EXOG: variants seen among roughly 807,000 people sequenced by gnomAD.
The protein encoded by EXOG is exo/endonuclease G, also known as nuclease EXOG, mitochondrial.
In EXOG, 27 loss-of-function variants were observed where a neutral mutation model predicts 25.8. That is an observed-to-expected ratio of 1.05 (90% CI 0.77 to 1.45). EXOG has a LOEUF of 1.45. Ranked by LOEUF, EXOG falls within the 40% of genes most tolerant of loss-of-function variation. The pLI is 0.00. For missense variants in EXOG, 458 were observed against 450.5 expected, an observed-to-expected ratio of 1.02 and a Z score of -0.15; for synonymous variants, 133 against 167.0, an observed-to-expected ratio of 0.80 and a Z score of 1.57.
chr3:38,518,241 G>A (rs2125794813), intron 5 of EXOG, among the ~76,000 whole-genome samples: 1 of 152,290 alleles, frequency 6.6e-6, no homozygotes, highest in Admixed American at 6.5e-5. Context: ...TGTAGGGAAG[G>A]AGACAAAAAT....
intron 3 of EXOG, among the ~76,000 whole-genome samples, chr3:38,503,091 T>G (rs929268018): frequency 3.9e-5 from 6 of 152,294 alleles, no homozygotes; most frequent in Admixed American, 1.3e-4. Flanking sequence ...AGAAGGTACT[T>G]GTAGCATTGG....
intron 5 of EXOG, chr3:38,523,156 C>T: frequency 7.9e-7 from 1 of 1,267,580 alleles, no homozygotes; most frequent in Non-Finnish European, 1.0e-6. Flanking sequence ...AAACTAAGGC[C>T]ATGTTTTTAT....
intron 5 of EXOG, among the ~76,000 whole-genome samples, chr3:38,522,381 C>T (rs1476910932): frequency 6.6e-6 from 1 of 152,230 alleles, no homozygotes; most frequent in African/African-American, 2.4e-5. Flanking sequence ...TGACTCTTAC[C>T]AGGGAAGGGC....
At chr3:38,511,987 AT>A (rs1158059582) in intron 5 of EXOG, among the ~76,000 whole-genome samples, 1 of 152,198 alleles carries the variant, frequency 6.6e-6, no homozygotes, top group Non-Finnish European at 1.5e-5. Flanking sequence ...TAAACCTATG[AT>A]TTCTAAGATT....
chr3:38,497,808 A>C, intron 2 of EXOG, 30 bp downstream of exon 2: 1 of 1,575,904 alleles, frequency 6.3e-7, no homozygotes, highest in Non-Finnish European at 8.6e-7. Context: ...AACTGAAGTA[A>C]CAGTATTTAT....
At chr3:38,517,030 A>AGGTT (rs2060566747) in intron 5 of EXOG, among the ~76,000 whole-genome samples, 2 of 152,166 alleles carry the variant, frequency 1.3e-5, no homozygotes, top group African/African-American at 4.8e-5. Context: ...TTTTTTCACC[A>AGGTT]TTTCCCCCTT....
chr3:38,524,496 T>A lies in EXOG; in HGVS notation c.*134T>A. On this transcript the variant is annotated 3_prime_UTR_variant, in exon 6 of 6. Coordinates refer to ENST00000287675, the MANE Select transcript of EXOG (RefSeq NM_005107.4). Reference sequence around the variant, plus strand: ...TAAGAGATGTGGTCTCGCCGTGTCATCCAGGCTGGAGTGCAGTGGTGGAAT... The same window carrying A: ...TAAGAGATGTGGTCTCGCCGTGTCAACCAGGCTGGAGTGCAGTGGTGGAAT... The A allele has an allele frequency of 7.1e-7, 1 of 1,403,326 alleles. No individual in the cohort carries two copies. Among genetic ancestry groups the A allele is most frequent in the South Asian group, 1.6e-5 (1 of 64,334 alleles). The allele number at this position is 1,403,326 out of a possible 1,614,324, so 86.9% of individuals were successfully genotyped here.
chr3:38,500,130 G>A (rs940157444), intron 2 of EXOG: 3 of 155,668 alleles, frequency 1.9e-5, no homozygotes, highest in Non-Finnish European at 4.3e-5. Context: ...ACGGAGAAAG[G>A]TCAAAAGGAA....
chr3:38,517,383 C>T (rs989810186), intron 5 of EXOG, among the ~76,000 whole-genome samples: 5 of 152,168 alleles, frequency 3.3e-5, no homozygotes, highest in African/African-American at 7.2e-5. Flanking sequence ...TTGATGCATC[C>T]TCATCATTTT....
At position 38,524,242 on chromosome 3, in the gene EXOG, G is replaced by A. The variant is rs377143401; in HGVS notation, c.987G>A (p.Met329Ile). Residue 329 changes from methionine to isoleucine, a missense_variant, in exon 6 of 6, where the codon ATG becomes ATA. Physicochemically the swap from Met to Ile is conservative, Grantham distance 10 (BLOSUM62 1). Around this residue, in one of 3 missense-constraint regions of EXOG, gnomAD observed 178 missense variants for 203.7 expected, o/e 0.87. Transcript: ENST00000287675. ...CAGTGCTCAGACTGGAAAAGATCAT[G>A]GAAAACTTGAAGAATGCAGAGATTG... ...ARSVLRLEKI[M>I]ENLKNAEIEP... is the part of the protein sequence containing the mutation. The A allele has an allele frequency of 5.0e-6, 8 of 1,614,154 alleles. No individual in the cohort carries two copies. The highest frequency in any genetic ancestry group is 3.3e-5 in the Admixed American group (2 of 60,016).
At chr3:38,518,603 CTG>C (rs1354342559) in intron 5 of EXOG, among the ~76,000 whole-genome samples, 4 of 152,194 alleles carry the variant, frequency 2.6e-5, no homozygotes, top group Non-Finnish European at 5.9e-5. Flanking sequence ...CAACTATACT[CTG>C]AACCTTATTT....
intron 4 of EXOG, among the ~76,000 whole-genome samples, chr3:38,504,659 C>G (rs990074954): frequency 1.3e-5 from 2 of 152,128 alleles, no homozygotes; most frequent in Admixed American, 6.5e-5. Flanking sequence ...TAGTCTTGAA[C>G]TCCTGACCTC....
chr3:38,508,308 T>TGA (rs1222559505), intron 5 of EXOG, among the ~76,000 whole-genome samples: 1 of 152,188 alleles, frequency 6.6e-6, no homozygotes, highest in East Asian at 1.9e-4. Context: ...ATTAGTGGTG[T>TGA]GAGAGCTTCA....
intron 5 of EXOG, among the ~76,000 whole-genome samples, chr3:38,509,010 A>G (rs1434588806): frequency 1.3e-5 from 2 of 152,222 alleles, no homozygotes; most frequent in African/African-American, 4.8e-5. Flanking sequence ...TAATTCATTT[A>G]ATATCTCTCC....
At chr3:38,510,244 A>G (rs1347961631) in intron 5 of EXOG, among the ~76,000 whole-genome samples, 1 of 152,178 alleles carries the variant, frequency 6.6e-6, no homozygotes. Context: ...AGGCTGAGAA[A>G]CTATCTGTTC....
chr3:38,520,788 A>T (rs1420758165), intron 5 of EXOG, among the ~76,000 whole-genome samples: 1 of 152,252 alleles, frequency 6.6e-6, no homozygotes, highest in South Asian at 2.1e-4. Context: ...CAAAATAGCA[A>T]TCCACCCACG....
At chr3:38,522,678 A>G (rs1056009881) in intron 5 of EXOG, among the ~76,000 whole-genome samples, 2 of 151,978 alleles carry the variant, frequency 1.3e-5, no homozygotes, top group African/African-American at 4.8e-5. Flanking sequence ...CTAATTTTGT[A>G]TTTTTAGTAG....
intron 3 of EXOG, among the ~76,000 whole-genome samples, chr3:38,502,668 T>C (rs1018983351): frequency 2.6e-5 from 4 of 152,224 alleles, no homozygotes; most frequent in African/African-American, 9.6e-5. Flanking sequence ...AGTAATATTA[T>C]CTAAAATACA....
chr3:38,503,699 A>G lies in EXOG; in HGVS notation c.530+8A>G. ...TTCTGGATATTGGAACAGGTGAGGGATGAGAGTTTTAAAAACATGATTCTA... is the reference window on the plus strand; with the variant it reads ...TTCTGGATATTGGAACAGGTGAGGGGTGAGAGTTTTAAAAACATGATTCTA... On this transcript the variant is annotated splice_region_variant and intron_variant, in intron 4 of 5. Transcript: ENST00000287675. 1 of 1,500,728 alleles carries G rather than the reference A, an allele frequency of 6.7e-7. No homozygotes were observed. Among genetic ancestry groups the G allele is most frequent in the East Asian group, 2.3e-5 (1 of 44,278 alleles). The allele number at this position is 1,500,728 out of a possible 1,614,324, so 93.0% of individuals were successfully genotyped here.
Sources: allele counts gnomAD v4.1 joint callset (sites outside exome capture counted in the v4.1 genomes callset), GRCh38; gene constraint gnomAD v4.1.1; regional missense constraint gnomAD v4.1.1; transcripts MANE v1.5; gene names NCBI Gene and HGNC (gene_info 2026-07-23, HGNC 2026-07-21).